The following KCNH1 variants were observed in gnomAD, a reference collection of about 807,000 sequenced individuals.
KCNH1 encodes potassium voltage-gated channel subfamily H member 1.
A neutral mutation model predicts 69.2 loss-of-function variants in KCNH1; 27 were observed. The ratio of observed to expected loss-of-function variants is 0.39; its 90% confidence interval spans 0.29 to 0.54. The LOEUF (loss-of-function observed/expected upper bound fraction) is 0.54. Among genes scored for constraint, KCNH1 ranks in the 20% least tolerant of loss-of-function variants. KCNH1 has a pLI of 0.68. For missense variants in KCNH1, 798 were observed against 1,261.6 expected (o/e 0.63, Z 5.57); for synonymous variants, 456 against 487.7 (o/e 0.93, Z 0.86).
intron 5 of KCNH1, among the ~76,000 whole-genome samples, chr1:211,047,260 A>C (rs1378227404): frequency 6.6e-6 from 1 of 152,196 alleles, no homozygotes; most frequent in African/African-American, 2.4e-5. Context: ...AATATCCTGA[A>C]CTAACTTAAA....
In KCNH1 at chr1:211,094,971, C is replaced by T. The variant is rs189604338; in HGVS notation, c.311-4281G>A. Among the ~76,000 whole-genome samples, 340 of 152,250 alleles carry T rather than the reference C, an allele frequency of 2.2e-3. 1 individual carries two copies. The highest frequency in any genetic ancestry group is 7.7e-3 in the African/African-American group (322 of 41,556). On this transcript the variant is annotated intron_variant, in intron 3 of 10. Coordinates refer to ENST00000271751, the MANE Select transcript of KCNH1 (RefSeq NM_172362.3). ...CGTGAACCATCTGGAACCTGAAGCTCCACCCAAGCCAGTTTCCCTTCTACC... is the reference window on the plus strand; with the variant it reads ...CGTGAACCATCTGGAACCTGAAGCTTCACCCAAGCCAGTTTCCCTTCTACC...
intron 6 of KCNH1, among the ~76,000 whole-genome samples, chr1:210,923,010 A>G (rs1402968438): frequency 1.3e-5 from 2 of 152,224 alleles, no homozygotes; most frequent in African/African-American, 4.8e-5. Flanking sequence ...AGTTCAAAGC[A>G]ACATTTATGT....
intron 7 of KCNH1, among the ~76,000 whole-genome samples, chr1:210,826,243 T>A (rs532541926): frequency 1.3e-5 from 2 of 152,292 alleles, no homozygotes; most frequent in Admixed American, 6.5e-5. Flanking sequence ...CTCATTTTTT[T>A]ATTTAAGGAT....
At chr1:211,037,439 T>C (rs1487303865) in intron 5 of KCNH1, among the ~76,000 whole-genome samples, 3 of 151,756 alleles carry the variant, frequency 2.0e-5, no homozygotes, top group African/African-American at 7.3e-5. Flanking sequence ...CACAATCACA[T>C]TGCAGATGAC....
intron 7 of KCNH1, among the ~76,000 whole-genome samples, chr1:210,806,039 G>C (rs932452804): frequency 1.3e-5 from 2 of 152,152 alleles, no homozygotes; most frequent in African/African-American, 4.8e-5. Flanking sequence ...TCATGTGCAA[G>C]TTTTTATGTG....
chr1:211,047,859 G>GA (rs555632305), intron 5 of KCNH1, among the ~76,000 whole-genome samples: 11 of 144,154 alleles, frequency 7.6e-5, no homozygotes, highest in South Asian at 2.2e-4. Flanking sequence ...AATCCGCAAG[G>GA]AAAAAAAAAA....
intron 9 of KCNH1, among the ~76,000 whole-genome samples, chr1:210,780,944 G>A (rs2102378921): frequency 6.6e-6 from 1 of 152,310 alleles, no homozygotes; most frequent in East Asian, 1.9e-4. Flanking sequence ...CTACTTGGGA[G>A]GCTGAGGCAG....
At chr1:210,932,798 C>A (rs1170729630) in intron 6 of KCNH1, among the ~76,000 whole-genome samples, 1 of 152,048 alleles carries the variant, frequency 6.6e-6, no homozygotes, top group African/African-American at 2.4e-5. Context: ...ATCAATTTAG[C>A]AAGACAATAT....
intron 5 of KCNH1, among the ~76,000 whole-genome samples, chr1:211,051,626 G>A (rs111583552): frequency 5.3e-5 from 8 of 152,310 alleles, no homozygotes; most frequent in African/African-American, 1.2e-4. Context: ...TGATGCTGAG[G>A]TCAAAGGGGA....
intron 6 of KCNH1, among the ~76,000 whole-genome samples, chr1:211,010,858 A>C (rs1434915235): frequency 6.6e-6 from 1 of 152,156 alleles, no homozygotes; most frequent in African/African-American, 2.4e-5. Flanking sequence ...GTTGGTAGGG[A>C]ACTAAAAGAG....
intron 5 of KCNH1, among the ~76,000 whole-genome samples, chr1:211,045,702 C>T (rs1197713536): frequency 6.6e-6 from 1 of 152,170 alleles, no homozygotes; most frequent in Non-Finnish European, 1.5e-5. Flanking sequence ...ACACACTTAA[C>T]ATAAGTTCTA....
intron 6 of KCNH1, among the ~76,000 whole-genome samples, chr1:210,954,882 C>T (rs544429824): frequency 3.3e-4 from 51 of 152,292 alleles, no homozygotes; most frequent in South Asian, 2.3e-3. Flanking sequence ...GTTTCTTTTG[C>T]TGTGCAGAAG....
At chr1:210,894,010 C>G (rs60147734) in intron 7 of KCNH1, among the ~76,000 whole-genome samples, 1 of 152,132 alleles carries the variant, frequency 6.6e-6, no homozygotes, top group Non-Finnish European at 1.5e-5. Context: ...GTTATAATAA[C>G]TAATGTCTTT....
chr1:210,795,372 C>T (rs942755833), intron 9 of KCNH1, among the ~76,000 whole-genome samples: 6 of 152,122 alleles, frequency 3.9e-5, no homozygotes, highest in South Asian at 2.1e-4. Context: ...GTCTCAAATT[C>T]GTGGACCCAA....
At chr1:210,976,633 G>T (rs1335663772) in intron 6 of KCNH1, among the ~76,000 whole-genome samples, 1 of 141,610 alleles carries the variant, frequency 7.1e-6, no homozygotes, top group Non-Finnish European at 1.6e-5. Context: ...AAATCATGCT[G>T]CTATAAAGAC....
Position 210,804,548 on chromosome 1 carries a change from A to C in KCNH1, c.1463-382T>G, listed in dbSNP as rs185913568. On this transcript the variant is annotated intron_variant, in intron 7 of 10. Coordinates refer to ENST00000271751, the MANE Select transcript of KCNH1 (RefSeq NM_172362.3). ...AGTTTGAGCCATGCCTGAGGTCACTAGTCAAATGTGTGCCTATGTGTTCCA... is the reference window on the plus strand; with the variant it reads ...AGTTTGAGCCATGCCTGAGGTCACTCGTCAAATGTGTGCCTATGTGTTCCA... Among the ~76,000 whole-genome samples the C allele has an allele frequency of 2.6e-5, 4 of 152,332 alleles. No individual in the cohort carries two copies. In the East Asian group the frequency reaches 7.7e-4, roughly 29 times the overall value.
At chr1:210,725,414 G>T (rs765141160) in intron 10 of KCNH1, among the ~76,000 whole-genome samples, 23 of 152,132 alleles carry the variant, frequency 1.5e-4, no homozygotes, top group Admixed American at 1.3e-3. Flanking sequence ...ACCAAGTAAT[G>T]TCCAGACTCA....
At chr1:211,083,212 A>AT (rs1234038230) in intron 4 of KCNH1, among the ~76,000 whole-genome samples, 1 of 152,242 alleles carries the variant, frequency 6.6e-6, no homozygotes, top group African/African-American at 2.4e-5. Context: ...AGTCTAGAAC[A>AT]TCTCTTCACT....
At position 211,128,282 on chromosome 1, in the gene KCNH1, CAAAAAAAA is replaced by C. The variant is rs374161835; in HGVS notation, c.79+5577_79+5584del. 2.7e-3 allele frequency among the ~76,000 whole-genome samples: 148 copies of C among 54,878 alleles called. 1 individual carries two copies. Among genetic ancestry groups the C allele is most frequent in the African/African-American group, 8.3e-3 (142 of 17,168 alleles). 36.0% of individuals were successfully genotyped at this position (54,878 alleles called of 152,430 possible). Reference sequence around the variant, plus strand: ...CCAGCGACAAAGTGAGATTCTGTCTCAAAAAAAAAAAAAAAAAAGAAAGAGGTAAAGAA... The same window carrying C: ...CCAGCGACAAAGTGAGATTCTGTCTCAAAAAAAAAAGAAAGAGGTAAAGAA... On this transcript the variant is annotated intron_variant, in intron 1 of 10. Coordinates refer to ENST00000271751, the MANE Select transcript of KCNH1 (RefSeq NM_172362.3).
Sources: allele counts gnomAD v4.1 joint callset (sites outside exome capture counted in the v4.1 genomes callset), GRCh38; gene constraint gnomAD v4.1.1; transcripts MANE v1.5; gene names NCBI Gene and HGNC (gene_info 2026-07-23, HGNC 2026-07-21).